Variants in RABGAP1L observed in about 807,000 individuals in gnomAD.
RABGAP1L encodes the protein RAB GTPase activating protein 1 like, also known as rab GTPase-activating protein 1-like.
In RABGAP1L, 63 loss-of-function variants were observed where a neutral mutation model predicts 137.7. That is an observed-to-expected ratio of 0.46 (90% confidence interval 0.37 to 0.56). RABGAP1L has a LOEUF of 0.56. Ranked by LOEUF, RABGAP1L falls within the 20% of genes least tolerant of loss-of-function variation. The probability of loss-of-function intolerance (pLI) is 0.00; values close to 1 mark genes in which losing one functional copy is unlikely to be tolerated. For missense variants in RABGAP1L, 1,095 were observed against 1,244.0 expected (o/e 0.88, Z 1.80); for synonymous variants, 431 against 433.7 (o/e 0.99, Z 0.08).
intron 3 of RABGAP1L, among the ~76,000 whole-genome samples, chr1:174,227,342 A>T (rs1412176206): frequency 6.6e-6 from 1 of 151,840 alleles, no homozygotes; most frequent in Non-Finnish European, 1.5e-5. Context: ...CTGGGACTAC[A>T]GGTGCATGCC....
chr1:174,326,567 C>A (rs543464506), intron 11 of RABGAP1L, among the ~76,000 whole-genome samples: 1 of 151,898 alleles, frequency 6.6e-6, no homozygotes, highest in Non-Finnish European at 1.5e-5. Flanking sequence ...TATGGGGCAC[C>A]ATCAGAAGAG....
chr1:174,587,978 C>T (rs928551407), intron 13 of RABGAP1L, among the ~76,000 whole-genome samples: 1 of 152,140 alleles, frequency 6.6e-6, no homozygotes, highest in African/African-American at 2.4e-5. Context: ...ATTCTTCTGC[C>T]TCAGCCTCCC....
chr1:174,843,000 T>A (rs1283783180), intron 19 of RABGAP1L, among the ~76,000 whole-genome samples: 1 of 152,168 alleles, frequency 6.6e-6, no homozygotes, highest in African/African-American at 2.4e-5. Flanking sequence ...ATTCCCAACA[T>A]TTTGTAAACA....
intron 13 of RABGAP1L, among the ~76,000 whole-genome samples, chr1:174,558,639 A>ATC (rs1042909863): frequency 6.6e-6 from 1 of 152,224 alleles, no homozygotes; most frequent in African/African-American, 2.4e-5. Flanking sequence ...AATATTTTTT[A>ATC]ACCATACTGT....
At chr1:174,564,021 T>C (rs1667402816) in intron 13 of RABGAP1L, among the ~76,000 whole-genome samples, 1 of 152,114 alleles carries the variant, frequency 6.6e-6, no homozygotes, top group Non-Finnish European at 1.5e-5. Context: ...TGCAAAGCTC[T>C]GCCTTGTAGT....
At chr1:174,840,861 T>A (rs1693319096) in intron 19 of RABGAP1L, among the ~76,000 whole-genome samples, 1 of 147,778 alleles carries the variant, frequency 6.8e-6, no homozygotes, top group African/African-American at 2.5e-5. Context: ...GGTAATAGAC[T>A]CAATGAGGAA....
At chr1:174,989,818 T>G (rs1671935764) in intron 25 of RABGAP1L, 31 bp from the exon 26 acceptor site, 3 of 1,542,200 alleles carry the variant, frequency 1.9e-6, no homozygotes, top group Non-Finnish European at 2.6e-6. Context: ...AAACATTTAT[T>G]TAACTCAGAT....
At chr1:174,837,418 T>A (rs1001922372) in intron 19 of RABGAP1L, among the ~76,000 whole-genome samples, 6 of 152,246 alleles carry the variant, frequency 3.9e-5, no homozygotes, top group Admixed American at 3.9e-4. Context: ...TATCTTCTAC[T>A]TGTGTACTCT....
At chr1:174,929,422 A>G (rs1376728742) in intron 19 of RABGAP1L, among the ~76,000 whole-genome samples, 1 of 152,134 alleles carries the variant, frequency 6.6e-6, no homozygotes, top group Non-Finnish European at 1.5e-5. Flanking sequence ...AATATGACCA[A>G]TTTATCTGCT....
In RABGAP1L at chr1:174,349,640, C is replaced by A. The variant is rs1376568081; in HGVS notation, c.1466-21339C>A. Among the ~76,000 whole-genome samples the A allele has an allele frequency of 5.9e-4, 81 of 137,220 alleles. 1 individual carries two copies. The highest frequency in any genetic ancestry group is 2.0e-3 in the African/African-American group (73 of 37,422). 90.0% of individuals were successfully genotyped at this position (137,220 alleles called of 152,430 possible). ...GCGGCTGGCCGGGTGGGGGGCTGAC[C>A]CCCCCACCTCCCTCCCGGACGAGGC... On this transcript the variant is annotated intron_variant, in intron 11 of 25. Transcript: ENST00000681986.
chr1:174,727,668 T>G (rs1170294131), intron 17 of RABGAP1L, among the ~76,000 whole-genome samples: 1 of 152,186 alleles, frequency 6.6e-6, no homozygotes, highest in Non-Finnish European at 1.5e-5. Flanking sequence ...ATGACAAGAA[T>G]AAAAGGTTCT....
At chr1:174,820,101 T>C (rs368798978) in intron 19 of RABGAP1L, among the ~76,000 whole-genome samples, 1 of 152,172 alleles carries the variant, frequency 6.6e-6, no homozygotes, top group Non-Finnish European at 1.5e-5. Context: ...CTAGTCTATA[T>C]TGTTGTAGAC....
chr1:174,818,709 C>T (rs1029809848), intron 19 of RABGAP1L, among the ~76,000 whole-genome samples: 1 of 151,648 alleles, frequency 6.6e-6, no homozygotes, highest in Admixed American at 6.6e-5. Flanking sequence ...GACCCCATCT[C>T]TACAAAATAT....
Position 174,434,134 on chromosome 1 carries a change from C to G in RABGAP1L, c.1710+39989C>G, listed in dbSNP as rs1243736995. 3.3e-5 allele frequency among the ~76,000 whole-genome samples: 5 copies of G among 151,862 alleles called. No individual in the cohort carries two copies. In the East Asian group the frequency reaches 7.7e-4, roughly 23 times the overall value. On this transcript the variant is annotated intron_variant, in intron 13 of 25. Coordinates refer to ENST00000681986, the MANE Select transcript of RABGAP1L (RefSeq NM_001366446.1). ...ACACACACACACACACACACACACA[C>G]ACACACACACACACACACCCTGCCT...
chr1:174,979,277 C>T (rs749803374), intron 23 of RABGAP1L, among the ~76,000 whole-genome samples: 4 of 152,124 alleles, frequency 2.6e-5, no homozygotes, highest in Non-Finnish European at 5.9e-5. Context: ...GAATAGTTTT[C>T]CAGATTTATT....
chr1:174,783,707 C>CTTCT (rs1553252129), intron 18 of RABGAP1L, among the ~76,000 whole-genome samples: 13 of 102,470 alleles, frequency 1.3e-4, no homozygotes, highest in East Asian at 1.1e-3. Flanking sequence ...TCTTCTTCTT[C>CTTCT]TTTTTTTTTT....
chr1:174,302,904 C>T (rs1677853298), intron 10 of RABGAP1L, among the ~76,000 whole-genome samples: 1 of 151,980 alleles, frequency 6.6e-6, no homozygotes, highest in Non-Finnish European at 1.5e-5. Flanking sequence ...CTACTTAAAT[C>T]AAAGTATGAT....
At position 174,265,644 on chromosome 1, in the gene RABGAP1L, A is replaced by G. The variant is rs77971297; in HGVS notation, c.987-6770A>G. 5.7e-3 allele frequency among the ~76,000 whole-genome samples: 871 copies of G among 151,944 alleles called. 8 individuals are homozygous for G. The highest frequency in any genetic ancestry group is 0.02 in the African/African-American group (831 of 41,478). On this transcript the variant is annotated intron_variant, in intron 7 of 25. Coordinates refer to ENST00000681986, the MANE Select transcript of RABGAP1L (RefSeq NM_001366446.1). ...TATTAATGTGAGAATTAATGGGAAC[A>G]TTATTGCTAAGGATGGTATGGAGGG... is the stretch of plus-strand genomic sequence containing the variant.
intron 14 of RABGAP1L, among the ~76,000 whole-genome samples, chr1:174,673,931 A>G (rs1677374178): frequency 6.6e-6 from 1 of 152,194 alleles, no homozygotes; most frequent in Non-Finnish European, 1.5e-5. Context: ...ATGTAGAAGT[A>G]TTTGTCATCA....
Sources: gnomAD v4.1 joint callset for allele counts (sites outside exome capture counted in the v4.1 genomes callset) on GRCh38, gnomAD v4.1.1 for gene constraint, MANE v1.5 for transcripts, NCBI Gene and HGNC (gene_info 2026-07-23, HGNC 2026-07-21) for gene names.